Variants in SIPA1L2 observed in about 807,000 individuals in gnomAD.
SIPA1L2 encodes signal-induced proliferation-associated 1-like protein 2.
In SIPA1L2, 56 loss-of-function variants were observed where a neutral mutation model predicts 163.9. The ratio of observed to expected loss-of-function variants is 0.34; its 90% confidence interval spans 0.28 to 0.43. SIPA1L2 has a LOEUF of 0.43. Among genes scored for constraint, SIPA1L2 ranks in the 20% least tolerant of loss-of-function variants. The pLI is 1.00. For missense variants in SIPA1L2, 1,974 were observed against 2,193.5 expected (o/e 0.90, Z 2.00); for synonymous variants, 877 against 865.7 (o/e 1.01, Z -0.23).
chr1:232,461,960 T>A (rs978992813), intron 9 of SIPA1L2, among the ~76,000 whole-genome samples: 1 of 152,168 alleles, frequency 6.6e-6, no homozygotes, highest in Non-Finnish European at 1.5e-5. Flanking sequence ...GATGGTGCTC[T>A]GGCAGGCAGC....
chr1:232,621,563 A>G (rs1662812171), intron 1 of SIPA1L2, among the ~76,000 whole-genome samples: 2 of 152,100 alleles, frequency 1.3e-5, no homozygotes, highest in South Asian at 4.1e-4. Flanking sequence ...TGTAAAAGGG[A>G]AAAAAATCCC....
intron 18 of SIPA1L2, among the ~76,000 whole-genome samples, chr1:232,423,283 G>A (rs1014362272): frequency 6.6e-6 from 1 of 152,146 alleles, no homozygotes; most frequent in African/African-American, 2.4e-5. Context: ...AACTTATGGT[G>A]GGTTTATCTG....
At chr1:232,629,711 G>T (rs1663278765) in intron 1 of SIPA1L2, among the ~76,000 whole-genome samples, 158 bp downstream of exon 1, 1 of 151,968 alleles carries the variant, frequency 6.6e-6, no homozygotes, top group African/African-American at 2.4e-5. Flanking sequence ...CCTGCGCCGC[G>T]ACCCTCGCAC....
chr1:232,480,871 C>T (rs1005714225), intron 6 of SIPA1L2, among the ~76,000 whole-genome samples: 8 of 152,154 alleles, frequency 5.3e-5, no homozygotes, highest in Non-Finnish European at 1.0e-4. Context: ...TCAACCTTCA[C>T]GGACTTATTA....
chr1:232,593,446 G>C (rs994070514), intron 1 of SIPA1L2, among the ~76,000 whole-genome samples: 1 of 152,084 alleles, frequency 6.6e-6, no homozygotes, highest in Non-Finnish European at 1.5e-5. Flanking sequence ...ATTAATGGGG[G>C]CGCTTCATTT....
chr1:232,546,283 C>T (rs1658027061), intron 2 of SIPA1L2, among the ~76,000 whole-genome samples: 1 of 152,178 alleles, frequency 6.6e-6, no homozygotes, highest in Non-Finnish European at 1.5e-5. Flanking sequence ...TTCTACTAGC[C>T]TCCATAAGAG....
intron 21 of SIPA1L2, among the ~76,000 whole-genome samples, 185 bp downstream of exon 21, chr1:232,403,263 C>T (rs746217044): frequency 3.9e-5 from 6 of 152,322 alleles, no homozygotes; most frequent in Admixed American, 6.5e-5. Flanking sequence ...CAGCCAAGAG[C>T]GGTCTCCCAC....
At chr1:232,512,312 C>G (rs867235909) in intron 3 of SIPA1L2, among the ~76,000 whole-genome samples, 53 of 152,068 alleles carry the variant, frequency 3.5e-4, no homozygotes, top group Admixed American at 1.3e-4. Context: ...GACAGTGTGG[C>G]GATTCCTCAA....
intron 18 of SIPA1L2, among the ~76,000 whole-genome samples, chr1:232,422,866 T>A (rs1021643773): frequency 6.6e-6 from 1 of 152,232 alleles, no homozygotes; most frequent in African/African-American, 2.4e-5. Flanking sequence ...CAAACTATTC[T>A]TAAAGAGTGG....
chr1:232,418,573 T>A (rs1161989565), intron 18 of SIPA1L2, among the ~76,000 whole-genome samples: 2 of 152,290 alleles, frequency 1.3e-5, no homozygotes, highest in East Asian at 3.9e-4. Flanking sequence ...TGCTACCCCC[T>A]ACGCAATGCA....
At chr1:232,544,815 A>C (rs2103118168) in intron 2 of SIPA1L2, among the ~76,000 whole-genome samples, 1 of 152,306 alleles carries the variant, frequency 6.6e-6, no homozygotes, top group African/African-American at 2.4e-5. Context: ...GGTGCCTAAA[A>C]CTTTATCATT....
At chr1:232,483,312 T>C (rs556799587) in intron 6 of SIPA1L2, among the ~76,000 whole-genome samples, 1 of 152,002 alleles carries the variant, frequency 6.6e-6, no homozygotes, top group Non-Finnish European at 1.5e-5. Flanking sequence ...AAGGGGATAT[T>C]GTGTGAAGAT....
At chr1:232,406,928 T>C (rs904173534) in intron 19 of SIPA1L2, among the ~76,000 whole-genome samples, 4 of 152,224 alleles carry the variant, frequency 2.6e-5, no homozygotes, top group Admixed American at 6.5e-5. Context: ...TAGCTACATG[T>C]AGAAAATTAA....
chr1:232,471,262 G>A, intron 8 of SIPA1L2, 109 bp downstream of exon 8: 1 of 1,237,502 alleles, frequency 8.1e-7, no homozygotes, highest in South Asian at 1.4e-5. Context: ...TGAGTAATTA[G>A]AAAATCACAA....
At chr1:232,440,887 C>T (rs1460871800) in intron 14 of SIPA1L2, among the ~76,000 whole-genome samples, 1 of 152,156 alleles carries the variant, frequency 6.6e-6, no homozygotes, top group Non-Finnish European at 1.5e-5. Context: ...CAGCTGCGGC[C>T]GTGATGATTA....
At chr1:232,480,154 CGTGTGTGTGTGTGTGTGT>C (rs536840154) in intron 6 of SIPA1L2, among the ~76,000 whole-genome samples, 3 of 132,740 alleles carry the variant, frequency 2.3e-5, no homozygotes, top group Non-Finnish European at 3.2e-5. Flanking sequence ...TGTGTGTGTG[CGTGTGTGTGTGTGTGTGT>C]GTGTGTGTGT....
At chr1:232,617,848 C>A (rs914935746) in intron 1 of SIPA1L2, among the ~76,000 whole-genome samples, 2 of 152,132 alleles carry the variant, frequency 1.3e-5, no homozygotes, top group South Asian at 2.1e-4. Context: ...CCTTTTACTT[C>A]AAAAAATGTA....
At chr1:232,554,087 A>G (rs1178362157) in intron 2 of SIPA1L2, among the ~76,000 whole-genome samples, 1 of 152,210 alleles carries the variant, frequency 6.6e-6, no homozygotes, top group Non-Finnish European at 1.5e-5. Flanking sequence ...CACTGGTTTC[A>G]ATCTCTAAAA....
chr1:232,518,832 T>C lies in SIPA1L2; in HGVS notation c.-269-3224A>G, dbSNP rs376435457. Among the ~76,000 whole-genome samples, 11 of 152,312 alleles carry C rather than the reference T, an allele frequency of 7.2e-5. No homozygotes were observed. In the East Asian group the frequency reaches 1.7e-3, roughly 24 times the overall value. On this transcript the variant is annotated intron_variant, in intron 2 of 22. Transcript: ENST00000674635. ...TATCTACGGTGCCTGGAGCTGTTTC[T>C]AGTATGTGGCAGATGTTTAATAAAT...
Sources: allele counts gnomAD v4.1 joint callset (sites outside exome capture counted in the v4.1 genomes callset), GRCh38; gene constraint gnomAD v4.1.1; transcripts MANE v1.5; gene names NCBI Gene and HGNC (gene_info 2026-07-23, HGNC 2026-07-21).